ZNF568: variants seen among roughly 807,000 people sequenced by gnomAD.
ZNF568 encodes the protein zinc finger protein 568.
Under a neutral mutation model 18.1 loss-of-function variants are expected in ZNF568, and 11 were observed. The ratio of observed to expected loss-of-function variants is 0.61; its 90% confidence interval spans 0.38 to 1.00. The LOEUF (loss-of-function observed/expected upper bound fraction) is 1.00, where lower values mean the gene tolerates loss of function less well. Ranked by LOEUF, ZNF568 falls within the 50% of genes least tolerant of loss-of-function variation. The probability of loss-of-function intolerance (pLI) is 0.01; values close to 1 mark genes in which losing one functional copy is unlikely to be tolerated. For synonymous variants in ZNF568, 213 were observed against 246.6 expected (o/e 0.86, Z 1.28); for missense variants, 639 against 768.2 (o/e 0.83, Z 1.99).
exon 4 of ZNF568, chr19:36,991,774 G>T: frequency 6.3e-7 from 1 of 1,579,290 alleles, no homozygotes; most frequent in Non-Finnish European, 8.5e-7. Flanking sequence ...TAAGCCAAAT[G>T]TGATCTCCTT....
chr19:36,988,893 C>T (rs2074399324), intron 2 of ZNF568, among the ~76,000 whole-genome samples: 1 of 152,018 alleles, frequency 6.6e-6, no homozygotes, highest in Admixed American at 6.6e-5. Flanking sequence ...TTGTAATATA[C>T]AATATTTTAT....
intron 2 of ZNF568, among the ~76,000 whole-genome samples, chr19:36,988,998 G>A (rs1486150075): frequency 4.6e-5 from 7 of 152,084 alleles, no homozygotes; most frequent in African/African-American, 1.7e-4. Flanking sequence ...CTCGCGTTTT[G>A]TACCCCCACC....
rs755855502 is a variant in ZNF568, at chr19:36,949,794, G to T, written c.641G>T (p.Cys214Phe). 3 of 1,613,816 alleles carry T rather than the reference G, an allele frequency of 1.9e-6. No individual in the cohort carries two copies. Among genetic ancestry groups the T allele is most frequent in the African/African-American group, 1.3e-5 (1 of 74,908 alleles). ...SNEFGKPFYH[C>F]ASYVVTPFKC... ...GAGTTTGGGAAACCATTTTACCATT[G>T]TGCATCCTATGTTGTAACCCCCTTT... Residue 214 changes from cysteine (C) to phenylalanine (F), a missense_variant, in exon 7 of 7, where the codon TGT (cysteine) becomes TTT (phenylalanine). By Grantham distance (205) the Cys-to-Phe change is radical. Coordinates refer to ENST00000333987, the MANE Select transcript of ZNF568 (RefSeq NM_198539.4).
At chr19:36,952,810 G>A, downstream of ZNF568, 1 of 436,976 alleles carries the variant, frequency 2.3e-6, no homozygotes, top group Non-Finnish European at 3.0e-6. Context: ...TGTGCCCATA[G>A]AAGGAAATGT....
chr19:36,945,298 T>A (rs1269152285), intron 6 of ZNF568, among the ~76,000 whole-genome samples: 1 of 150,832 alleles, frequency 6.6e-6, no homozygotes, highest in Admixed American at 6.6e-5. Context: ...ACAACATGGG[T>A]TTAAACTGCA....
At chr19:36,920,781 C>T (rs557902709) in intron 2 of ZNF568, among the ~76,000 whole-genome samples, 2 of 103,188 alleles carry the variant, frequency 1.9e-5, no homozygotes, top group South Asian at 2.8e-4. Flanking sequence ...TAGGCCTTTG[C>T]GTTCACTCGC....
At chr19:36,939,908 T>C (rs1235799685) in intron 6 of ZNF568, among the ~76,000 whole-genome samples, 1 of 152,194 alleles carries the variant, frequency 6.6e-6, no homozygotes, top group African/African-American at 2.4e-5. Flanking sequence ...AGATGTTTAA[T>C]TCTACCATAT....
intron 6 of ZNF568, among the ~76,000 whole-genome samples, chr19:36,958,624 T>G (rs868199221): frequency 5.0e-5 from 7 of 139,234 alleles, no homozygotes; most frequent in Non-Finnish European, 9.3e-5. Context: ...TTCTTTTTTT[T>G]TTTTTTTTTT....
chr19:36,997,191 T>G, exon 5 of ZNF568: 1 of 1,606,102 alleles, frequency 6.2e-7, no homozygotes. Flanking sequence ...ATCAAAGAAT[T>G]CATACTGGTG....
At chr19:36,984,821 G>A (rs933090314), downstream of ZNF568, among the ~76,000 whole-genome samples, 2 of 150,212 alleles carry the variant, frequency 1.3e-5, no homozygotes, top group African/African-American at 4.9e-5. Flanking sequence ...TTTTTTTTCT[G>A]TAGATAATCT....
chr19:36,977,736 T>C (rs2146338332), intron 7 of ZNF568, among the ~76,000 whole-genome samples: 1 of 152,354 alleles, frequency 6.6e-6, no homozygotes, highest in South Asian at 2.1e-4. Flanking sequence ...TATTTCTCCC[T>C]GTATCTTCTG....
chr19:36,970,473 T>C (rs1446199118), intron 6 of ZNF568, among the ~76,000 whole-genome samples: 2 of 151,752 alleles, frequency 1.3e-5, no homozygotes, highest in African/African-American at 2.4e-5. Flanking sequence ...GCCTCCCCAG[T>C]AGCTGGAAGT....
At chr19:36,924,367 C>T (rs1032880282) in intron 3 of ZNF568, among the ~76,000 whole-genome samples, 8 of 151,508 alleles carry the variant, frequency 5.3e-5, no homozygotes, top group Non-Finnish European at 1.2e-4. Context: ...TACAGGCGCA[C>T]GCCACTACGC....
intron 4 of ZNF568, among the ~76,000 whole-genome samples, chr19:36,925,879 A>T (rs2073544679): frequency 6.6e-6 from 1 of 152,184 alleles, no homozygotes; most frequent in South Asian, 2.1e-4. Context: ...TATATAAGGG[A>T]CTTGAGCATC....
chr19:36,930,493 G>A (rs2073669142), intron 4 of ZNF568, among the ~76,000 whole-genome samples: 1 of 152,174 alleles, frequency 6.6e-6, no homozygotes, highest in Non-Finnish European at 1.5e-5. Flanking sequence ...ACAAGCATGA[G>A]CCACCGCGCC....
intron 6 of ZNF568, among the ~76,000 whole-genome samples, chr19:36,969,015 C>G (rs2074216334): frequency 6.6e-6 from 1 of 152,034 alleles, no homozygotes; most frequent in African/African-American, 2.4e-5. Flanking sequence ...GCCACCATGC[C>G]TGTCTAATTT....
intron 6 of ZNF568, among the ~76,000 whole-genome samples, chr19:36,965,152 A>G (rs979790856): frequency 2.0e-5 from 3 of 152,218 alleles, no homozygotes; most frequent in Non-Finnish European, 4.4e-5. Context: ...GTTGAAATTT[A>G]GTTGCCATTA....
At chr19:36,933,911 G>GT (rs1443339780) in intron 4 of ZNF568, among the ~76,000 whole-genome samples, 1,697 of 54,670 alleles carry the variant, frequency 0.031, 24 homozygotes, top group Non-Finnish European at 0.046. Context: ...TTTTTTTTTT[G>GT]TTTTGTTTTT....
chr19:36,933,168 T>G, intron 4 of ZNF568, among the ~76,000 whole-genome samples: 1 of 150,400 alleles, frequency 6.6e-6, no homozygotes, highest in East Asian at 2.0e-4. Context: ...TTTAAGCTCT[T>G]ACAGCTAGAT....
Sources: gnomAD v4.1 joint callset for allele counts (sites outside exome capture counted in the v4.1 genomes callset) on GRCh38, gnomAD v4.1.1 for gene constraint, MANE v1.5 for transcripts, NCBI Gene and HGNC (gene_info 2026-07-23, HGNC 2026-07-21) for gene names.